The following PDE4B variants were observed in gnomAD, a reference collection of about 807,000 sequenced individuals.
PDE4B encodes phosphodiesterase 4B, also known as 3',5'-cyclic-AMP phosphodiesterase 4B.
Under a neutral mutation model 82.2 loss-of-function variants are expected in PDE4B, and 20 were observed. The observed-to-expected ratio is 0.24, with a 90% CI of 0.17 to 0.35. The LOEUF is 0.35. Among genes scored for constraint, PDE4B ranks in the 10% least tolerant of loss-of-function variants. The probability of loss-of-function intolerance (pLI) is 1.00; values close to 1 mark genes in which losing one functional copy is unlikely to be tolerated. For synonymous variants in PDE4B, 320 were observed against 318.9 expected (o/e 1.00, Z -0.04); for missense variants, 655 against 907.2 (o/e 0.72, Z 3.57).
intron 3 of PDE4B, among the ~76,000 whole-genome samples, chr1:66,003,361 A>T (rs1490628166): frequency 6.9e-6 from 1 of 145,838 alleles, no homozygotes; most frequent in South Asian, 2.2e-4. Flanking sequence ...AAAAAAAAAA[A>T]CATTTATCAT....
chr1:66,331,829 G>T (rs1438091841), intron 7 of PDE4B: 5 of 985,194 alleles, frequency 5.1e-6, no homozygotes, highest in Non-Finnish European at 6.0e-6. Flanking sequence ...TTTTAGACTG[G>T]AGTCTTATCA....
chr1:65,939,396 T>C (rs1284375502), intron 3 of PDE4B, among the ~76,000 whole-genome samples: 21 of 152,120 alleles, frequency 1.4e-4, no homozygotes, highest in Non-Finnish European at 3.1e-4. Context: ...TCTTGCACCA[T>C]GTAGCCAAGG....
chr1:66,141,399 A>C (rs993042580), intron 3 of PDE4B, among the ~76,000 whole-genome samples: 2 of 148,644 alleles, frequency 1.3e-5, no homozygotes, highest in Non-Finnish European at 3.0e-5. Context: ...GGGCAGAAAG[A>C]ATTGAGCAAA....
At chr1:66,331,898 C>A (rs1570707459) in intron 7 of PDE4B, 1 of 989,188 alleles carries the variant, frequency 1.0e-6, no homozygotes, top group African/African-American at 1.7e-5. Flanking sequence ...AAGGAATAGC[C>A]TATGCCTCTT....
At chr1:65,876,091 T>C (rs1006944729) in intron 1 of PDE4B, among the ~76,000 whole-genome samples, 2 of 152,122 alleles carry the variant, frequency 1.3e-5, no homozygotes, top group Non-Finnish European at 2.9e-5. Flanking sequence ...CGGAAGTTTT[T>C]TTAGAATTTA....
chr1:65,812,513 A>G (rs146205227), intron 1 of PDE4B, among the ~76,000 whole-genome samples: 320 of 152,350 alleles, frequency 2.1e-3, no homozygotes, highest in African/African-American at 6.6e-3. Context: ...GGTTGGTGGC[A>G]TTAAATTTCC....
rs115988690 is a variant in PDE4B at position 66,308,536 on chromosome 1, T to A, written c.635-23972T>A. On this transcript the variant is annotated intron_variant, in intron 7 of 16. Coordinates refer to ENST00000341517, the MANE Select transcript of PDE4B (RefSeq NM_002600.4). The stretch of plus-strand genomic sequence containing the variant: ...CCCAAAGGTAATTACCATCTTGACA[T>A]CTTGGCTTAATATCAAAGATTAGTG... Among the ~76,000 whole-genome samples the A allele has an allele frequency of 6.9e-3, 1,051 of 152,278 alleles. 16 individuals are homozygous for A. The highest frequency in any genetic ancestry group is 0.024 in the African/African-American group (987 of 41,556).
intron 3 of PDE4B, among the ~76,000 whole-genome samples, chr1:66,031,869 G>T (rs929232850): frequency 6.6e-6 from 1 of 152,090 alleles, no homozygotes; most frequent in African/African-American, 2.4e-5. Context: ...GAGCTGCTTG[G>T]CTTTTGTATA....
At chr1:65,875,840 T>C (rs918212353) in intron 1 of PDE4B, among the ~76,000 whole-genome samples, 1 of 150,104 alleles carries the variant, frequency 6.7e-6, no homozygotes, top group African/African-American at 2.4e-5. Flanking sequence ...TTGGGAGGTA[T>C]ACCTAATGTT....
chr1:66,080,808 T>C (rs1242166735), intron 3 of PDE4B, among the ~76,000 whole-genome samples: 1 of 152,196 alleles, frequency 6.6e-6, no homozygotes, highest in Non-Finnish European at 1.5e-5. Context: ...CACAGAGGTA[T>C]ATTGTATAAC....
intron 6 of PDE4B, among the ~76,000 whole-genome samples, chr1:66,258,795 A>G (rs1350939034): frequency 2.6e-5 from 4 of 152,192 alleles, no homozygotes; most frequent in Non-Finnish European, 5.9e-5. Flanking sequence ...TTGCTTTCAC[A>G]CACATTTTCA....
At chr1:66,358,035 A>C (rs1433470824) in intron 9 of PDE4B, among the ~76,000 whole-genome samples, 2 of 152,214 alleles carry the variant, frequency 1.3e-5, no homozygotes, top group African/African-American at 4.8e-5. Context: ...AGCATGATGA[A>C]TGTTCCTGGA....
intron 3 of PDE4B, among the ~76,000 whole-genome samples, chr1:66,158,321 G>T (rs1023712431): frequency 6.6e-6 from 1 of 152,158 alleles, no homozygotes; most frequent in African/African-American, 2.4e-5. Flanking sequence ...CTGACAAGGG[G>T]TTAATATCCA....
chr1:66,238,600 G>A (rs1216922423), intron 3 of PDE4B, among the ~76,000 whole-genome samples: 1 of 152,192 alleles, frequency 6.6e-6, no homozygotes, highest in African/African-American at 2.4e-5. Context: ...TTTCTGTATA[G>A]AGTGGATAGG....
chr1:65,840,025 A>T (rs934867246), intron 1 of PDE4B, among the ~76,000 whole-genome samples: 3 of 150,678 alleles, frequency 2.0e-5, no homozygotes, highest in East Asian at 1.9e-4. Context: ...AAATATATAT[A>T]AAAAAAATAA....
rs192777090 is a variant in PDE4B at position 65,995,273 on chromosome 1, A to T, written c.281+76438A>T. 1.7e-4 allele frequency among the ~76,000 whole-genome samples: 26 copies of T among 152,154 alleles called. No homozygotes were observed. In the East Asian group the frequency reaches 4.8e-3, roughly 28 times the overall value. ...TCAGCTCATGACTAAGTCTTTATTT[A>T]TATTTATTTCTATTGTTTTATCTGA... On this transcript the variant is annotated intron_variant, in intron 3 of 16. Transcript: ENST00000341517.
At chr1:65,985,748 C>T (rs1199432206) in intron 3 of PDE4B, among the ~76,000 whole-genome samples, 1 of 151,954 alleles carries the variant, frequency 6.6e-6, no homozygotes, top group African/African-American at 2.4e-5. Context: ...AGAGGAACTC[C>T]CTTAGTATTT....
intron 7 of PDE4B, among the ~76,000 whole-genome samples, chr1:66,297,217 T>G (rs1657575929): frequency 6.6e-6 from 1 of 152,190 alleles, no homozygotes; most frequent in South Asian, 2.1e-4. Context: ...AGATATCTTG[T>G]GTAAGGTCCA....
chr1:66,280,132 A>G (rs1309294732), intron 7 of PDE4B, among the ~76,000 whole-genome samples: 1 of 152,254 alleles, frequency 6.6e-6, no homozygotes, highest in African/African-American at 2.4e-5. Flanking sequence ...TTTTTGTATT[A>G]TTTCTGATTG....
Sources: gnomAD v4.1 joint callset for allele counts (sites outside exome capture counted in the v4.1 genomes callset) on GRCh38, gnomAD v4.1.1 for gene constraint, MANE v1.5 for transcripts, NCBI Gene and HGNC (gene_info 2026-07-23, HGNC 2026-07-21) for gene names.